Variants in DLGAP1 observed in about 807,000 individuals in gnomAD.
DLGAP1 encodes disks large-associated protein 1.
DLGAP1 carries 11 observed loss-of-function variants against 90.8 expected under a neutral mutation model. That is an observed-to-expected ratio of 0.12 (90% CI 0.08 to 0.20). The LOEUF is 0.20. Among genes scored for constraint, DLGAP1 ranks in the 10% least tolerant of loss-of-function variants. DLGAP1 has a pLI of 1.00. For missense variants in DLGAP1, 1,050 were observed against 1,333.8 expected (o/e 0.79, Z 3.31); for synonymous variants, 558 against 540.7 (o/e 1.03, Z -0.44).
chr18:4,339,294 G>C (rs564482875), intron 1 of DLGAP1, among the ~76,000 whole-genome samples: 1 of 152,150 alleles, frequency 6.6e-6, no homozygotes, highest in Non-Finnish European at 1.5e-5. Context: ...GACACAGACA[G>C]GGGAATAACA....
At chr18:4,314,617 G>A (rs1354301544) in intron 1 of DLGAP1, among the ~76,000 whole-genome samples, 2 of 152,190 alleles carry the variant, frequency 1.3e-5, no homozygotes, top group Non-Finnish European at 2.9e-5. Context: ...AAAACGGTAA[G>A]AACCAGGCTT....
chr18:4,315,059 T>C (rs1038918581), intron 1 of DLGAP1, among the ~76,000 whole-genome samples: 2 of 152,190 alleles, frequency 1.3e-5, no homozygotes, highest in African/African-American at 4.8e-5. Context: ...TATTAACTTA[T>C]AATTTAAGGG....
chr18:3,587,885 A>G (rs2055985469), intron 7 of DLGAP1, among the ~76,000 whole-genome samples: 1 of 152,246 alleles, frequency 6.6e-6, no homozygotes, highest in Non-Finnish European at 1.5e-5. Flanking sequence ...AATTCCAGAC[A>G]CAGAATGACG....
chr18:3,514,735 C>T (rs1351658835), intron 10 of DLGAP1, among the ~76,000 whole-genome samples: 1 of 152,074 alleles, frequency 6.6e-6, no homozygotes, highest in Non-Finnish European at 1.5e-5. Context: ...CAAAAAAGTA[C>T]CTAATACTTT....
intron 6 of DLGAP1, among the ~76,000 whole-genome samples, chr18:3,740,999 TCAC>T (rs1292391199): frequency 7.4e-3 from 159 of 21,550 alleles, no homozygotes; most frequent in Non-Finnish European, 0.01. Context: ...CACCATCACC[TCAC>T]CACCACCACC....
At chr18:3,983,679 C>T (rs545937931) in intron 3 of DLGAP1, 2 of 152,058 alleles carry the variant, frequency 1.3e-5, no homozygotes, top group African/African-American at 4.8e-5. Flanking sequence ...TTCCTCATAC[C>T]CCACCCTCCT....
intron 7 of DLGAP1, among the ~76,000 whole-genome samples, chr18:3,714,034 T>C (rs545452766): frequency 6.6e-6 from 1 of 152,312 alleles, no homozygotes; most frequent in African/African-American, 2.4e-5. Context: ...TCTGTTCCAA[T>C]GCTTCTGGAG....
intron 4 of DLGAP1, among the ~76,000 whole-genome samples, chr18:3,848,388 T>C (rs2069145021): frequency 6.6e-6 from 1 of 152,054 alleles, no homozygotes; most frequent in Non-Finnish European, 1.5e-5. Flanking sequence ...ATCTTCAAAT[T>C]TTAAAAGGGA....
At chr18:4,052,690 C>T (rs1330632464) in intron 2 of DLGAP1, among the ~76,000 whole-genome samples, 2 of 152,148 alleles carry the variant, frequency 1.3e-5, no homozygotes, top group Non-Finnish European at 2.9e-5. Flanking sequence ...TGAATTTCTC[C>T]CTAGTAAATG....
chr18:3,772,735 C>A (rs2064744003), intron 5 of DLGAP1, among the ~76,000 whole-genome samples: 1 of 151,830 alleles, frequency 6.6e-6, no homozygotes, highest in African/African-American at 2.4e-5. Flanking sequence ...GGTTCTTGGA[C>A]CAGTGGCATT....
intron 1 of DLGAP1, among the ~76,000 whole-genome samples, chr18:4,171,172 T>C (rs1380345195): frequency 1.3e-5 from 2 of 152,184 alleles, no homozygotes; most frequent in African/African-American, 4.8e-5. Flanking sequence ...ATATAAATAA[T>C]TTCTTAAAAT....
At position 4,198,508 on chromosome 18, in the gene DLGAP1, C is replaced by T. The variant is rs150188628; in HGVS notation, c.-266-47221G>A. 4.9e-3 allele frequency among the ~76,000 whole-genome samples: 748 copies of T among 152,122 alleles called. 9 individuals are homozygous for T. The highest frequency in any genetic ancestry group is 0.014 in the African/African-American group (590 of 41,440). ...ACATATTTGAATAATGCACATTTAA[C>T]GCATCAGACAGTTGTCACCCTTTCT... is the stretch of plus-strand genomic sequence containing the variant. On this transcript the variant is annotated intron_variant, in intron 1 of 12. Coordinates refer to ENST00000315677, the MANE Select transcript of DLGAP1 (RefSeq NM_004746.4).
chr18:4,059,713 A>AAAATAAATAAATAAATAAAT (rs61167816), intron 2 of DLGAP1, among the ~76,000 whole-genome samples: 10 of 150,450 alleles, frequency 6.6e-5, no homozygotes, highest in African/African-American at 2.5e-4. Flanking sequence ...CTCCATCTCA[A>AAAATAAATAAATAAATAAAT]AAATAAATAA....
At chr18:3,554,636 T>C (rs2144879258) in intron 9 of DLGAP1, among the ~76,000 whole-genome samples, 1 of 152,344 alleles carries the variant, frequency 6.6e-6, no homozygotes. Flanking sequence ...GGGATATTTG[T>C]GATGCTCCAT....
At chr18:4,363,064 GC>G (rs2081663695) in intron 1 of DLGAP1, among the ~76,000 whole-genome samples, 1 of 152,108 alleles carries the variant, frequency 6.6e-6, no homozygotes. Flanking sequence ...GTTGGAGCAA[GC>G]AACAGACTTG....
intron 4 of DLGAP1, among the ~76,000 whole-genome samples, chr18:3,824,554 A>C (rs572872956): frequency 6.6e-6 from 1 of 152,330 alleles, no homozygotes; most frequent in Non-Finnish European, 1.5e-5. Context: ...TTAAAATTAA[A>C]AATTTTAAAA....
chr18:4,322,678 G>A (rs1206599707), intron 1 of DLGAP1, among the ~76,000 whole-genome samples: 1 of 151,994 alleles, frequency 6.6e-6, no homozygotes, highest in Non-Finnish European at 1.5e-5. Context: ...CTACTGCATA[G>A]AGGCCAGACG....
At chr18:4,320,097 T>G (rs1007665850) in intron 1 of DLGAP1, among the ~76,000 whole-genome samples, 8 of 152,032 alleles carry the variant, frequency 5.3e-5, no homozygotes, top group African/African-American at 1.9e-4. Context: ...GAGAGCAGAG[T>G]AGAAGGTCCT....
At chr18:4,086,581 T>C (rs1384712654) in intron 2 of DLGAP1, among the ~76,000 whole-genome samples, 1 of 152,212 alleles carries the variant, frequency 6.6e-6, no homozygotes, top group Non-Finnish European at 1.5e-5. Flanking sequence ...CACTGTGTTA[T>C]TTAATTTTAA....
Sources: allele counts gnomAD v4.1 joint callset (sites outside exome capture counted in the v4.1 genomes callset), GRCh38; gene constraint gnomAD v4.1.1; transcripts MANE v1.5; gene names NCBI Gene and HGNC (gene_info 2026-07-23, HGNC 2026-07-21).